Variants in SUGCT observed in about 807,000 individuals in gnomAD.
SUGCT encodes the protein succinyl-CoA:glutarate-CoA transferase.
Under a neutral mutation model 55.0 loss-of-function variants are expected in SUGCT, and 41 were observed. The ratio of observed to expected loss-of-function variants is 0.74; its 90% CI spans 0.58 to 0.97. SUGCT has a LOEUF of 0.97. SUGCT is among the 50% of genes least tolerant of loss of function. The pLI is 0.00. For synonymous variants in SUGCT, 187 were observed against 200.4 expected (o/e 0.93, Z 0.56); for missense variants, 568 against 547.8 (o/e 1.04, Z -0.37).
intron 13 of SUGCT, among the ~76,000 whole-genome samples, chr7:40,769,099 A>G (rs1177285740): frequency 1.9e-5 from 2 of 107,798 alleles, no homozygotes; most frequent in African/African-American, 9.8e-5. Flanking sequence ...GGGGAGCAGT[A>G]AAAAAAAACA....
chr7:40,701,208 T>A (rs984325863), intron 12 of SUGCT, among the ~76,000 whole-genome samples: 16 of 152,182 alleles, frequency 1.1e-4, no homozygotes, highest in African/African-American at 3.6e-4. Flanking sequence ...TCCCACACAC[T>A]CTCATTTGAT....
intron 6 of SUGCT, among the ~76,000 whole-genome samples, chr7:40,212,259 TAA>T (rs533514969): frequency 1.4e-5 from 2 of 140,204 alleles, no homozygotes; most frequent in Admixed American, 7.2e-5. Context: ...ACCCCATATC[TAA>T]AAAAAAAAAA....
intron 13 of SUGCT, among the ~76,000 whole-genome samples, chr7:40,842,751 C>T (rs1272064973): frequency 1.3e-5 from 2 of 152,184 alleles, no homozygotes; most frequent in Non-Finnish European, 2.9e-5. Flanking sequence ...AAAGATTTCA[C>T]ACAGCTGTTA....
chr7:40,629,571 A>C (rs1011880009), intron 12 of SUGCT, among the ~76,000 whole-genome samples: 2 of 152,138 alleles, frequency 1.3e-5, no homozygotes, highest in African/African-American at 4.8e-5. Context: ...TTTGAAGGCC[A>C]TTATAGAGGG....
At chr7:40,315,095 C>G (rs551872116) in intron 8 of SUGCT, among the ~76,000 whole-genome samples, 2 of 141,056 alleles carry the variant, frequency 1.4e-5, no homozygotes, top group South Asian at 4.8e-4. Context: ...TGGTTGAATA[C>G]GAGGGTTCTG....
chr7:40,330,113 G>T (rs879364629), intron 9 of SUGCT, among the ~76,000 whole-genome samples: 6 of 152,194 alleles, frequency 3.9e-5, no homozygotes, highest in Admixed American at 3.9e-4. Context: ...ATACAGATTT[G>T]ATCTCCGTAG....
the SUGCT span, among the ~76,000 whole-genome samples, chr7:40,918,133 T>C: frequency 2.0e-5 from 3 of 151,874 alleles, no homozygotes; most frequent in East Asian, 3.9e-4. Flanking sequence ...AGTCTCTTCA[T>C]CTCCTCATAC....
At chr7:40,268,819 A>T (rs1791792305) in intron 7 of SUGCT, among the ~76,000 whole-genome samples, 1 of 151,924 alleles carries the variant, frequency 6.6e-6, no homozygotes, top group Non-Finnish European at 1.5e-5. Flanking sequence ...TTGTATTTTT[A>T]GGGGAGATGG....
chr7:40,869,777 T>C, the SUGCT span, among the ~76,000 whole-genome samples: 2 of 152,212 alleles, frequency 1.3e-5, no homozygotes, highest in Non-Finnish European at 2.9e-5. Flanking sequence ...CTTTCTTTGT[T>C]TAATTACCTT....
chr7:41,007,823 C>CAA, the SUGCT span, among the ~76,000 whole-genome samples: 36,923 of 103,956 alleles, frequency 0.36, 6,973 homozygotes, highest in Admixed American at 0.47. Flanking sequence ...AACTGAAATC[C>CAA]AAAAAAAAAA....
At chr7:40,929,789 T>G in the SUGCT span, among the ~76,000 whole-genome samples, 1 of 152,350 alleles carries the variant, frequency 6.6e-6, no homozygotes, top group Non-Finnish European at 1.5e-5. Flanking sequence ...CTTGTAAATT[T>G]GTTTAAGTTC....
chr7:40,260,098 TG>T (rs1365530915), intron 7 of SUGCT, among the ~76,000 whole-genome samples: 1 of 152,244 alleles, frequency 6.6e-6, no homozygotes, highest in East Asian at 1.9e-4. Context: ...GAATTTTTCT[TG>T]CAAAATGCCA....
chr7:40,285,751 G>A (rs1793296032), intron 8 of SUGCT, among the ~76,000 whole-genome samples: 1 of 152,108 alleles, frequency 6.6e-6, no homozygotes, highest in Non-Finnish European at 1.5e-5. Flanking sequence ...AGGTATAACG[G>A]TGAGTACTTT....
At chr7:40,943,176 T>C in the SUGCT span, among the ~76,000 whole-genome samples, 1 of 151,858 alleles carries the variant, frequency 6.6e-6, no homozygotes, top group Non-Finnish European at 1.5e-5. Flanking sequence ...TTCCTTCTAA[T>C]TTGGGTTGAT....
At position 40,568,626 on chromosome 7, in the gene SUGCT, G is replaced by A. The variant is rs528831978; in HGVS notation, c.1089+72240G>A. Among the ~76,000 whole-genome samples the A allele has an allele frequency of 7.2e-5, 11 of 152,282 alleles. No individual in the cohort carries two copies. In the East Asian group the frequency reaches 7.7e-4, roughly 11 times the overall value. On this transcript the variant is annotated intron_variant, in intron 12 of 13. Coordinates refer to ENST00000335693, the MANE Select transcript of SUGCT (RefSeq NM_001193313.2). ...TGTGGGGAGCATGGCCATGAAGCATGGCTTGTCCAGACATCTTGCTGGAAA... is the reference window on the plus strand; with the variant it reads ...TGTGGGGAGCATGGCCATGAAGCATAGCTTGTCCAGACATCTTGCTGGAAA...
Position 40,369,118 on chromosome 7 carries a change from A to T in SUGCT, c.816+52263A>T, listed in dbSNP as rs554159536. Among the ~76,000 whole-genome samples, 169 of 151,412 alleles carry T rather than the reference A, an allele frequency of 1.1e-3. 1 individual carries two copies. The East Asian group carries it at 0.024, about 21-fold the overall frequency. On this transcript the variant is annotated intron_variant, in intron 9 of 13. Transcript: ENST00000335693. ...GACTCTATCTTAAAAAAAAAAAAAA[A>T]TTATAACTTTTGAGTGGGGATTGAG...
intron 12 of SUGCT, among the ~76,000 whole-genome samples, chr7:40,535,082 C>T (rs1302273879): frequency 6.6e-6 from 1 of 152,034 alleles, no homozygotes; most frequent in Non-Finnish European, 1.5e-5. Context: ...TATAAAGATG[C>T]AATAAAACAT....
intron 12 of SUGCT, among the ~76,000 whole-genome samples, chr7:40,706,531 T>C (rs1244125425): frequency 1.3e-5 from 2 of 152,112 alleles, no homozygotes; most frequent in Non-Finnish European, 2.9e-5. Context: ...AAAGTCAGCA[T>C]GATAAGAGTC....
chr7:40,606,933 T>C (rs1416466163), intron 12 of SUGCT, among the ~76,000 whole-genome samples: 1 of 152,204 alleles, frequency 6.6e-6, no homozygotes, highest in Non-Finnish European at 1.5e-5. Flanking sequence ...CGAAGAAGAA[T>C]CATCCTTTTT....
Sources: gnomAD v4.1 joint callset for allele counts (sites outside exome capture counted in the v4.1 genomes callset) on GRCh38, gnomAD v4.1.1 for gene constraint, MANE v1.5 for transcripts, NCBI Gene and HGNC (gene_info 2026-07-23, HGNC 2026-07-21) for gene names.